ERBB4: variants seen among roughly 807,000 people sequenced by gnomAD.
The protein encoded by ERBB4 is erb-b2 receptor tyrosine kinase 4, also known as receptor tyrosine-protein kinase erbB-4.
ERBB4 carries 42 observed loss-of-function variants against 158.0 expected under a neutral mutation model. The observed-to-expected ratio is 0.27, with a 90% CI of 0.21 to 0.34. The LOEUF (loss-of-function observed/expected upper bound fraction) is 0.34. ERBB4 is among the 10% of genes least tolerant of loss of function. ERBB4 has a pLI of 1.00. For missense variants in ERBB4, 1,333 were observed against 1,624.1 expected (o/e 0.82, Z 3.08); for synonymous variants, 583 against 558.7 (o/e 1.04, Z -0.61).
intron 20 of ERBB4, among the ~76,000 whole-genome samples, chr2:211,513,136 A>G (rs749763525): frequency 6.6e-6 from 1 of 151,962 alleles, no homozygotes; most frequent in Non-Finnish European, 1.5e-5. Context: ...CCCTGTTTAA[A>G]AAAAAAAGAA....
At chr2:212,346,171 G>C (rs1001966004) in intron 1 of ERBB4, among the ~76,000 whole-genome samples, 1 of 152,050 alleles carries the variant, frequency 6.6e-6, no homozygotes, top group Non-Finnish European at 1.5e-5. Context: ...TCACAGCCAA[G>C]AATACCAGAG....
Position 211,818,539 on chromosome 2 carries a change from T to G in ERBB4, c.422-30380A>C, listed in dbSNP as rs1163635608. On this transcript the variant is annotated intron_variant, in intron 3 of 27. Transcript: ENST00000342788. Reference sequence around the variant, plus strand: ...AAAAGAAACTATCAATTAACAATGGTCTCCAAATAACAGAAATCCTATCTA... The same window carrying G: ...AAAAGAAACTATCAATTAACAATGGGCTCCAAATAACAGAAATCCTATCTA... Among the ~76,000 whole-genome samples, 2 of 152,046 alleles carry G rather than the reference T, an allele frequency of 1.3e-5. 1 individual carries two copies. The highest frequency in any genetic ancestry group is 4.1e-4 in the South Asian group (2 of 4,820).
chr2:212,425,089 G>A (rs1266355816), intron 1 of ERBB4, among the ~76,000 whole-genome samples: 2 of 151,562 alleles, frequency 1.3e-5, no homozygotes, highest in Non-Finnish European at 2.9e-5. Flanking sequence ...ATTTTTCTAA[G>A]CTTTCTTAAA....
chr2:212,361,781 A>T lies in ERBB4; in HGVS notation c.82+176668T>A, dbSNP rs184817675. On this transcript the variant is annotated intron_variant, in intron 1 of 27. Coordinates refer to ENST00000342788, the MANE Select transcript of ERBB4 (RefSeq NM_005235.3). ...CAACTGATTCATCTACAATAAAATA[A>T]TAACTTCTATTCGACAATGTCTGGC... 4.0e-5 allele frequency among the ~76,000 whole-genome samples: 6 copies of T among 151,812 alleles called. No homozygotes were observed. The East Asian group carries it at 7.7e-4, about 20-fold the overall frequency.
intron 1 of ERBB4, among the ~76,000 whole-genome samples, chr2:212,334,435 G>C (rs957272315): frequency 1.3e-5 from 2 of 151,986 alleles, no homozygotes; most frequent in African/African-American, 4.8e-5. Flanking sequence ...TGTTGAATAA[G>C]TGAATGAGTG....
chr2:212,177,559 ACTC>A (rs1157742384), intron 1 of ERBB4, among the ~76,000 whole-genome samples: 1 of 151,380 alleles, frequency 6.6e-6, no homozygotes, highest in African/African-American at 2.4e-5. Flanking sequence ...CCTACTCTCT[ACTC>A]CTTTTTCCCT....
intron 1 of ERBB4, among the ~76,000 whole-genome samples, chr2:212,466,335 CT>C (rs1359955879): frequency 6.6e-6 from 1 of 152,176 alleles, no homozygotes; most frequent in African/African-American, 2.4e-5. Context: ...GAAGGACCAA[CT>C]TTTGTATATA....
At chr2:211,598,332 A>G (rs2068698785) in intron 19 of ERBB4, among the ~76,000 whole-genome samples, 1 of 152,142 alleles carries the variant, frequency 6.6e-6, no homozygotes, top group African/African-American at 2.4e-5. Flanking sequence ...GAAAACAGGA[A>G]GATCAGGCAC....
chr2:212,381,660 T>C (rs772509376), intron 1 of ERBB4, among the ~76,000 whole-genome samples: 8 of 151,262 alleles, frequency 5.3e-5, no homozygotes, highest in Non-Finnish European at 1.0e-4. Flanking sequence ...GACGGAATCA[T>C]ATTATGACCA....
At chr2:212,400,254 G>A (rs1278312576) in intron 1 of ERBB4, among the ~76,000 whole-genome samples, 1 of 152,166 alleles carries the variant, frequency 6.6e-6, no homozygotes, top group African/African-American at 2.4e-5. Flanking sequence ...GAGTGGGGAA[G>A]AGGATTTGGA....
chr2:212,494,188 T>G (rs910625264), intron 1 of ERBB4, among the ~76,000 whole-genome samples: 2 of 151,944 alleles, frequency 1.3e-5, no homozygotes, highest in Admixed American at 6.6e-5. Flanking sequence ...GTCTATCAAA[T>G]GTACTAACTG....
intron 3 of ERBB4, among the ~76,000 whole-genome samples, chr2:211,947,009 A>G (rs937514916): frequency 3.9e-5 from 6 of 152,180 alleles, no homozygotes; most frequent in Non-Finnish European, 7.4e-5. Flanking sequence ...TTTTCTAAAA[A>G]TAAGGTGATT....
At chr2:212,169,700 C>A (rs1281364316) in intron 1 of ERBB4, among the ~76,000 whole-genome samples, 2 of 151,472 alleles carry the variant, frequency 1.3e-5, no homozygotes, top group Non-Finnish European at 2.9e-5. Flanking sequence ...AGGGAAGGAC[C>A]AGGTGGGAGG....
intron 1 of ERBB4, among the ~76,000 whole-genome samples, chr2:212,179,363 A>G (rs1352436296): frequency 2.7e-5 from 4 of 147,448 alleles, no homozygotes; most frequent in African/African-American, 7.5e-5. Flanking sequence ...TTGTATGACT[A>G]TACTAAGCAC....
chr2:212,253,282 G>T (rs1190900734), intron 1 of ERBB4, among the ~76,000 whole-genome samples: 1 of 152,044 alleles, frequency 6.6e-6, no homozygotes, highest in Admixed American at 6.6e-5. Flanking sequence ...AGTGAGATGG[G>T]ATTGAAGCTG....
At chr2:212,235,769 T>G (rs565481102) in intron 1 of ERBB4, among the ~76,000 whole-genome samples, 6 of 152,180 alleles carry the variant, frequency 3.9e-5, no homozygotes, top group Non-Finnish European at 8.8e-5. Flanking sequence ...GCTCTCTCTT[T>G]GTCTATTATT....
At position 211,562,016 on chromosome 2, in the gene ERBB4, T is replaced by C. The variant is rs1358773116; in HGVS notation, c.2374A>G (p.Ile792Val). The C allele has an allele frequency of 1.9e-6, 3 of 1,614,032 alleles. No individual in the cohort carries two copies. Among genetic ancestry groups the C allele is most frequent in the African/African-American group, 1.3e-5 (1 of 74,926 alleles). Residue 792 changes from isoleucine to valine, a missense_variant, in exon 20 of 28, where the codon ATC (isoleucine) becomes GTC (valine). Ile to Val is a conservative substitution (Grantham distance 29). Transcript: ENST00000342788. ...GGCATAAGTTGAGTAACCAGCTGGATGGTTGGGCTCAGACACACACCCAGC... is the reference window on the plus strand; with the variant it reads ...GGCATAAGTTGAGTAACCAGCTGGACGGTTGGGCTCAGACACACACCCAGC... ...RLLGVCLSPT[I>V]QLVTQLMPHG...
At chr2:212,209,240 A>G (rs1374250646) in intron 1 of ERBB4, among the ~76,000 whole-genome samples, 2 of 152,172 alleles carry the variant, frequency 1.3e-5, no homozygotes, top group South Asian at 2.1e-4. Flanking sequence ...CTTACTTAAT[A>G]GCAATATAGA....
intron 20 of ERBB4, among the ~76,000 whole-genome samples, chr2:211,559,042 C>T (rs2125714943): frequency 6.6e-6 from 1 of 152,234 alleles, no homozygotes; most frequent in South Asian, 2.1e-4. Context: ...ATAAACTTTT[C>T]CAATGTGCCA....
Sources: gnomAD v4.1 joint callset for allele counts (sites outside exome capture counted in the v4.1 genomes callset) on GRCh38, gnomAD v4.1.1 for gene constraint, MANE v1.5 for transcripts, NCBI Gene and HGNC (gene_info 2026-07-23, HGNC 2026-07-21) for gene names.